Variants in HS2ST1 observed in about 807,000 individuals in gnomAD.
The protein encoded by HS2ST1 is heparan sulfate 2-O-sulfotransferase 1, also known as 2-O-sulfotransferase.
A neutral mutation model predicts 42.9 loss-of-function variants in HS2ST1; 18 were observed. The observed-to-expected ratio is 0.42, with a 90% CI of 0.29 to 0.62. HS2ST1 has a LOEUF of 0.62. Ranked by LOEUF, HS2ST1 falls within the 20% of genes least tolerant of loss-of-function variation. HS2ST1 has a pLI of 0.21. For synonymous variants in HS2ST1, 146 were observed against 152.9 expected, an observed-to-expected ratio of 0.95 and a Z score of 0.33; for missense variants, 334 against 433.8, an observed-to-expected ratio of 0.77 and a Z score of 2.04.
chr1:86,976,123 T>C (rs935745857), intron 1 of HS2ST1, among the ~76,000 whole-genome samples: 1 of 152,250 alleles, frequency 6.6e-6, no homozygotes, highest in Non-Finnish European at 1.5e-5. Context: ...TTTGGAATAA[T>C]AGATTTAAAG....
intron 1 of HS2ST1, among the ~76,000 whole-genome samples, chr1:86,997,196 G>A (rs867191485): frequency 3.7e-4 from 57 of 152,278 alleles, no homozygotes; most frequent in Middle Eastern, 3.4e-3. Flanking sequence ...AGGCCTAATC[G>A]TGGGGGTTGG....
At chr1:86,923,681 C>T (rs2102156289) in intron 1 of HS2ST1, among the ~76,000 whole-genome samples, 1 of 152,288 alleles carries the variant, frequency 6.6e-6, no homozygotes, top group Non-Finnish European at 1.5e-5. Flanking sequence ...CAGGTGTGAG[C>T]CACTTCGCCT....
chr1:86,947,140 A>G (rs1647362515), intron 1 of HS2ST1, among the ~76,000 whole-genome samples: 2 of 152,224 alleles, frequency 1.3e-5, no homozygotes, highest in Admixed American at 1.3e-4. Context: ...AAGTTGAGGG[A>G]GCCCACATTT....
chr1:87,080,798 G>A (rs182587405), intron 2 of HS2ST1, among the ~76,000 whole-genome samples: 179 of 152,292 alleles, frequency 1.2e-3, no homozygotes, highest in Non-Finnish European at 2.0e-3. Flanking sequence ...GGGACTTTGC[G>A]TTTGAATATG....
chr1:86,989,789 C>G (rs1648890174), intron 1 of HS2ST1, among the ~76,000 whole-genome samples: 1 of 152,134 alleles, frequency 6.6e-6, no homozygotes, highest in Admixed American at 6.6e-5. Context: ...TCTCATTGTT[C>G]AGCTTCCACC....
intron 1 of HS2ST1, among the ~76,000 whole-genome samples, chr1:87,033,078 A>G (rs896184963): frequency 1.3e-5 from 2 of 152,242 alleles, no homozygotes; most frequent in African/African-American, 4.8e-5. Flanking sequence ...ATGTTTTAAT[A>G]AATTGTAGAA....
intron 1 of HS2ST1, among the ~76,000 whole-genome samples, chr1:87,070,870 T>A (rs534977135): frequency 6.6e-6 from 1 of 152,210 alleles, no homozygotes; most frequent in Non-Finnish European, 1.5e-5. Flanking sequence ...AGGGTCTCTG[T>A]CTGTGCTACA....
intron 4 of HS2ST1, among the ~76,000 whole-genome samples, chr1:87,093,339 GA>G (rs1328056951): frequency 6.6e-6 from 1 of 152,032 alleles, no homozygotes; most frequent in Non-Finnish European, 1.5e-5. Flanking sequence ...ACCATCCTCT[GA>G]ACTTATTGCT....
chr1:86,943,336 A>G (rs1280254590), intron 1 of HS2ST1, among the ~76,000 whole-genome samples: 1 of 152,212 alleles, frequency 6.6e-6, no homozygotes, highest in East Asian at 1.9e-4. Context: ...TTATTGTTAT[A>G]TCTTAACCAG....
chr1:87,027,807 G>T (rs1342608543), intron 1 of HS2ST1, among the ~76,000 whole-genome samples: 4 of 152,160 alleles, frequency 2.6e-5, no homozygotes, highest in African/African-American at 4.8e-5. Context: ...TTTTGCCTCA[G>T]CCTCCCTAGT....
chr1:86,989,824 G>T (rs1320494124), intron 1 of HS2ST1, among the ~76,000 whole-genome samples: 2 of 152,068 alleles, frequency 1.3e-5, no homozygotes, highest in Non-Finnish European at 2.9e-5. Flanking sequence ...TGTGATGTTT[G>T]GTTTTCTGTT....
intron 5 of HS2ST1, among the ~76,000 whole-genome samples, chr1:87,098,906 A>C (rs1379780854): frequency 1.3e-5 from 2 of 152,088 alleles, no homozygotes; most frequent in African/African-American, 4.8e-5. Flanking sequence ...CAGCCTCCCG[A>C]ATAGCTGGGA....
intron 1 of HS2ST1, among the ~76,000 whole-genome samples, chr1:87,006,452 A>G (rs189095520): frequency 2.0e-5 from 3 of 152,274 alleles, no homozygotes; most frequent in African/African-American, 4.8e-5. Context: ...CTTGGTTTGC[A>G]TATATAGGCA....
chr1:86,976,888 T>A (rs1648429777), intron 1 of HS2ST1, among the ~76,000 whole-genome samples: 1 of 151,014 alleles, frequency 6.6e-6, no homozygotes, highest in Admixed American at 6.6e-5. Context: ...CTGGGCAGCA[T>A]AGTGAGACTC....
At position 86,914,768 on chromosome 1, in the gene HS2ST1, CA is replaced by C. The variant is rs1557476884; in HGVS notation, c.-268del. 2.0e-6 allele frequency: 1 copy of C among 495,186 alleles called. No individual in the cohort carries two copies. Among genetic ancestry groups the C allele is most frequent in the African/African-American group, 2.0e-5 (1 of 49,494 alleles). The allele number at this position is 495,186 out of a possible 1,614,324, so 30.7% of individuals were successfully genotyped here. On this transcript the variant is annotated 5_prime_UTR_variant, in exon 1 of 7. Transcript: ENST00000370550. Reference sequence around the variant, plus strand: ...GCAGTAGAGGGAGGCGAGAGCCCGGCAGCCGCTTCGCGCTGTTTGCTGCGCG... The same window carrying C: ...GCAGTAGAGGGAGGCGAGAGCCCGGCGCCGCTTCGCGCTGTTTGCTGCGCG...
intron 1 of HS2ST1, among the ~76,000 whole-genome samples, chr1:87,015,516 T>C (rs1301327934): frequency 6.6e-6 from 1 of 151,770 alleles, no homozygotes. Flanking sequence ...AGCTAATTTT[T>C]CGTATTTTTA....
At chr1:86,946,593 A>G (rs937017443) in intron 1 of HS2ST1, among the ~76,000 whole-genome samples, 2 of 152,234 alleles carry the variant, frequency 1.3e-5, no homozygotes, top group African/African-American at 4.8e-5. Flanking sequence ...CAAAATACAT[A>G]TACCAACCCC....
intron 1 of HS2ST1, among the ~76,000 whole-genome samples, chr1:87,022,458 A>G (rs1649977670): frequency 6.6e-6 from 1 of 152,232 alleles, no homozygotes; most frequent in Admixed American, 6.5e-5. Context: ...TAGGAGCACA[A>G]CACTCAAAAA....
At chr1:87,014,139 A>C (rs755654056) in intron 1 of HS2ST1, among the ~76,000 whole-genome samples, 2 of 152,188 alleles carry the variant, frequency 1.3e-5, no homozygotes, top group African/African-American at 4.8e-5. Flanking sequence ...CCACTACCTC[A>C]GTAACAATTT....
Sources: allele counts gnomAD v4.1 joint callset (sites outside exome capture counted in the v4.1 genomes callset), GRCh38; gene constraint gnomAD v4.1.1; transcripts MANE v1.5; gene names NCBI Gene and HGNC (gene_info 2026-07-23, HGNC 2026-07-21).